CPA6: variants seen among roughly 807,000 people sequenced by gnomAD.
The protein encoded by CPA6 is carboxypeptidase A6, also known as carboxypeptidase B.
A neutral mutation model predicts 63.3 loss-of-function variants in CPA6; 58 were observed. The observed-to-expected ratio is 0.92, with a 90% CI of 0.74 to 1.14. The LOEUF (loss-of-function observed/expected upper bound fraction) is 1.14, where lower values mean the gene tolerates loss of function less well. CPA6 is among the 50% of genes most tolerant of loss of function. The pLI, the probability that CPA6 is intolerant of heterozygous loss-of-function variation, is 0.00. For missense variants in CPA6, 565 were observed against 526.6 expected (o/e 1.07, Z -0.71); for synonymous variants, 185 against 179.0 (o/e 1.03, Z -0.27).
chr8:67,572,484 T>A (rs1349209040), intron 2 of CPA6, among the ~76,000 whole-genome samples: 1 of 152,226 alleles, frequency 6.6e-6, no homozygotes, highest in Non-Finnish European at 1.5e-5. Flanking sequence ...TCCTTTGATC[T>A]TCTCTGCCAT....
intron 8 of CPA6, among the ~76,000 whole-genome samples, chr8:67,447,540 CA>C (rs1563956696): frequency 5.0e-5 from 7 of 139,940 alleles, no homozygotes; most frequent in South Asian, 2.1e-4. Flanking sequence ...CACACACACA[CA>C]CACACATACA....
intron 1 of CPA6, among the ~76,000 whole-genome samples, chr8:67,737,954 T>C (rs1241218617): frequency 2.0e-5 from 3 of 152,200 alleles, no homozygotes; most frequent in Non-Finnish European, 4.4e-5. Context: ...AAAAAGGGAT[T>C]GGGCTATGAT....
intron 1 of CPA6, among the ~76,000 whole-genome samples, chr8:67,644,758 A>G (rs550323369): frequency 2.6e-5 from 4 of 152,332 alleles, no homozygotes; most frequent in Middle Eastern, 3.4e-3. Context: ...TGGCCCTAAC[A>G]GCAGCAAGGG....
intron 1 of CPA6, among the ~76,000 whole-genome samples, chr8:67,700,378 A>G (rs540049353): frequency 6.6e-6 from 1 of 152,360 alleles, no homozygotes; most frequent in East Asian, 1.9e-4. Context: ...GCTAATGTAA[A>G]TCATTGTTCT....
chr8:67,737,997 A>G (rs932478640), intron 1 of CPA6, among the ~76,000 whole-genome samples: 2 of 152,060 alleles, frequency 1.3e-5, no homozygotes, highest in South Asian at 2.1e-4. Context: ...CCGACATTCT[A>G]TGACTTTAAA....
At chr8:67,682,524 G>T (rs539304871) in intron 1 of CPA6, among the ~76,000 whole-genome samples, 2 of 152,124 alleles carry the variant, frequency 1.3e-5, no homozygotes, top group African/African-American at 4.8e-5. Flanking sequence ...TGTTTCTATT[G>T]ATCTTTCTTA....
intron 1 of CPA6, among the ~76,000 whole-genome samples, chr8:67,737,463 C>T (rs1339911686): frequency 6.6e-6 from 1 of 152,118 alleles, no homozygotes; most frequent in Non-Finnish European, 1.5e-5. Flanking sequence ...CCCCCCTTTG[C>T]AATCGTCACA....
intron 2 of CPA6, among the ~76,000 whole-genome samples, chr8:67,581,649 C>T (rs1364965053): frequency 6.6e-6 from 1 of 152,302 alleles, no homozygotes; most frequent in Admixed American, 6.5e-5. Flanking sequence ...TAGAGAAATA[C>T]ACAAGAGATG....
intron 8 of CPA6, among the ~76,000 whole-genome samples, chr8:67,455,570 G>T (rs1367696464): frequency 6.9e-6 from 1 of 143,920 alleles, no homozygotes; most frequent in African/African-American, 2.6e-5. Flanking sequence ...AAAAAAAAAG[G>T]TTGAAAATTG....
intron 6 of CPA6, among the ~76,000 whole-genome samples, chr8:67,488,977 T>C (rs1264469938): frequency 1.3e-5 from 2 of 152,236 alleles, no homozygotes; most frequent in African/African-American, 2.4e-5. Context: ...TTTCTAAATA[T>C]ACAATCATGT....
At chr8:67,493,505 T>C (rs1007607991) in intron 6 of CPA6, among the ~76,000 whole-genome samples, 6 of 152,172 alleles carry the variant, frequency 3.9e-5, no homozygotes, top group Admixed American at 6.5e-5. Context: ...ATATTACTAC[T>C]TGCTCTGCCT....
chr8:67,550,154 C>A (rs1172414759), intron 2 of CPA6, among the ~76,000 whole-genome samples: 2 of 152,138 alleles, frequency 1.3e-5, no homozygotes, highest in Non-Finnish European at 2.9e-5. Flanking sequence ...AGGTACTGGG[C>A]ATAGTATCCA....
chr8:67,529,567 G>A (rs1232937641), intron 2 of CPA6, among the ~76,000 whole-genome samples: 1 of 152,174 alleles, frequency 6.6e-6, no homozygotes, highest in African/African-American at 2.4e-5. Context: ...TATGTTTTCT[G>A]GAGAAATTAA....
chr8:67,574,958 G>A (rs1422805794), intron 2 of CPA6, among the ~76,000 whole-genome samples: 1 of 152,036 alleles, frequency 6.6e-6, no homozygotes, highest in Non-Finnish European at 1.5e-5. Flanking sequence ...ACAGACTACA[G>A]ATTGGGAGAA....
At chr8:67,600,503 G>C (rs571550222) in intron 2 of CPA6, among the ~76,000 whole-genome samples, 1 of 152,270 alleles carries the variant, frequency 6.6e-6, no homozygotes, top group South Asian at 2.1e-4. Flanking sequence ...TTAGAGAGGA[G>C]ATGTTAAGTG....
At chr8:67,742,677 C>G (rs1031084246) in intron 1 of CPA6, among the ~76,000 whole-genome samples, 1 of 152,126 alleles carries the variant, frequency 6.6e-6, no homozygotes, top group African/African-American at 2.4e-5. Context: ...TGAGGAAGGT[C>G]TAATATTACC....
chr8:67,553,193 C>A (rs1002729397), intron 2 of CPA6, among the ~76,000 whole-genome samples: 2 of 152,034 alleles, frequency 1.3e-5, no homozygotes, highest in Non-Finnish European at 2.9e-5. Flanking sequence ...GTGACTTAAG[C>A]CACTATCAAT....
chr8:67,478,936 G>A (rs1035918267), intron 8 of CPA6, among the ~76,000 whole-genome samples: 2 of 152,140 alleles, frequency 1.3e-5, no homozygotes, highest in Non-Finnish European at 2.9e-5. Flanking sequence ...CAGGACAATC[G>A]CTTGAACCCG....
intron 6 of CPA6, among the ~76,000 whole-genome samples, chr8:67,504,045 T>C (rs552640108): frequency 6.6e-6 from 1 of 152,316 alleles, no homozygotes; most frequent in South Asian, 2.1e-4. Flanking sequence ...TTACATACTA[T>C]CATTATCCTC....
Sources: gnomAD v4.1 joint callset for allele counts (sites outside exome capture counted in the v4.1 genomes callset) on GRCh38, gnomAD v4.1.1 for gene constraint, MANE v1.5 for transcripts, NCBI Gene and HGNC (gene_info 2026-07-23, HGNC 2026-07-21) for gene names.